Variants in MACROD2 observed in about 807,000 individuals in gnomAD.
The protein encoded by MACROD2 is mono-ADP ribosylhydrolase 2, also known as ADP-ribose glycohydrolase MACROD2.
MACROD2 carries 36 observed loss-of-function variants against 70.4 expected under a neutral mutation model. That is an observed-to-expected ratio of 0.51 (90% CI 0.39 to 0.68). MACROD2 has a LOEUF of 0.68. MACROD2 is among the 30% of genes least tolerant of loss of function. The pLI, the probability that MACROD2 is intolerant of heterozygous loss-of-function variation, is 0.00. For missense variants in MACROD2, 496 were observed against 538.4 expected (o/e 0.92, Z 0.78); for synonymous variants, 172 against 178.8 (o/e 0.96, Z 0.30).
chr20:14,594,441 T>A (rs914918349), intron 4 of MACROD2, among the ~76,000 whole-genome samples: 2 of 152,210 alleles, frequency 1.3e-5, no homozygotes, highest in African/African-American at 4.8e-5. Context: ...ACGTTAAAAT[T>A]GTATTAATTT....
intron 5 of MACROD2, among the ~76,000 whole-genome samples, chr20:15,013,640 A>G (rs2075099795): frequency 6.6e-6 from 1 of 152,128 alleles, no homozygotes; most frequent in African/African-American, 2.4e-5. Context: ...ACCCATCTTC[A>G]GCGTTCCTTC....
intron 8 of MACROD2, among the ~76,000 whole-genome samples, chr20:15,641,917 C>G (rs1447263696): frequency 6.6e-6 from 1 of 152,104 alleles, no homozygotes; most frequent in East Asian, 1.9e-4. Flanking sequence ...AACCATGAAA[C>G]AGTAAAACTC....
At chr20:15,379,708 A>G (rs1600321733) in intron 6 of MACROD2, among the ~76,000 whole-genome samples, 1 of 152,020 alleles carries the variant, frequency 6.6e-6, no homozygotes, top group South Asian at 2.1e-4. Context: ...GTTTGTCATT[A>G]TTTTTTATTG....
chr20:14,359,373 G>A (rs2122715018), intron 3 of MACROD2, among the ~76,000 whole-genome samples: 1 of 152,208 alleles, frequency 6.6e-6, no homozygotes, highest in East Asian at 1.9e-4. Flanking sequence ...TGGTGGGAAT[G>A]TAAACTAGTA....
Position 15,561,278 on chromosome 20 carries a change from C to T in MACROD2, c.645+61431C>T, listed in dbSNP as rs543084895. The stretch of plus-strand genomic sequence containing the variant: ...GCATGAATTATGCAATTAGCTTTCT[C>T]GCTTTCCAGCAGCATATGCAAAGTG... On this transcript the variant is annotated intron_variant, in intron 8 of 17. Transcript: ENST00000684519. Among the ~76,000 whole-genome samples the T allele has an allele frequency of 4.6e-5, 7 of 152,322 alleles. No homozygotes were observed. The East Asian group carries it at 7.7e-4, about 17-fold the overall frequency.
At chr20:15,398,968 C>T (rs773579061) in intron 6 of MACROD2, among the ~76,000 whole-genome samples, 5 of 152,134 alleles carry the variant, frequency 3.3e-5, no homozygotes, top group Non-Finnish European at 7.3e-5. Flanking sequence ...CATGTGTGAG[C>T]CACTGTGTCC....
Position 14,902,635 on chromosome 20 carries a change from AAAG to A in MACROD2, c.418+217681_418+217683del, listed in dbSNP as rs2122555719. Among the ~76,000 whole-genome samples the A allele has an allele frequency of 1.3e-5, 2 of 152,280 alleles. 1 individual carries two copies. The highest frequency in any genetic ancestry group is 3.9e-4 in the East Asian group (2 of 5,170). ...GTTGCCAAAGAGCCAATGTCCAAGAAAAGAAGAGAGGCAGGGTGGTCAGGACGT... is the reference window on the plus strand; with the variant it reads ...GTTGCCAAAGAGCCAATGTCCAAGAAAAGAGAGGCAGGGTGGTCAGGACGT... On this transcript the variant is annotated intron_variant, in intron 5 of 17. Transcript: ENST00000684519.
intron 5 of MACROD2, among the ~76,000 whole-genome samples, chr20:14,814,507 G>A (rs1242473713): frequency 6.6e-6 from 1 of 151,970 alleles, no homozygotes; most frequent in East Asian, 1.9e-4. Flanking sequence ...ATAGTAGATC[G>A]TTTTTTGGAA....
chr20:14,987,080 G>T (rs1273468174), intron 5 of MACROD2, among the ~76,000 whole-genome samples: 2 of 152,082 alleles, frequency 1.3e-5, no homozygotes, highest in Admixed American at 1.3e-4. Flanking sequence ...CTTTGGAATT[G>T]TCTTAGGGCC....
chr20:14,387,703 GC>G (rs1160893962), intron 3 of MACROD2, among the ~76,000 whole-genome samples: 3 of 152,234 alleles, frequency 2.0e-5, no homozygotes, highest in Non-Finnish European at 4.4e-5. Flanking sequence ...CCCTATGGCT[GC>G]CAGCTTGGAG....
intron 8 of MACROD2, among the ~76,000 whole-genome samples, chr20:15,595,383 A>T (rs1341846843): frequency 6.6e-6 from 1 of 152,236 alleles, no homozygotes; most frequent in Non-Finnish European, 1.5e-5. Context: ...GAAAGTAATT[A>T]GCAATGTATG....
At chr20:15,259,530 A>G (rs1344916335) in intron 6 of MACROD2, among the ~76,000 whole-genome samples, 3 of 151,990 alleles carry the variant, frequency 2.0e-5, no homozygotes, top group African/African-American at 7.2e-5. Flanking sequence ...TAAGTTAGAA[A>G]ATCAGATCAT....
Position 15,801,200 on chromosome 20 carries a change from A to AAAAAAG in MACROD2, c.646-61541_646-61540insAGAAAA, listed in dbSNP as rs749268333. On this transcript the variant is annotated intron_variant, in intron 8 of 17. Coordinates refer to ENST00000684519, the MANE Select transcript of MACROD2 (RefSeq NM_001351661.2). ...GAATGATCAATTAAAAAAAAAAAAAAAAAACGAAAAACAAAACAAACAAAC... is the reference window on the plus strand; with the variant it reads ...GAATGATCAATTAAAAAAAAAAAAAAAAAAAGAAAACGAAAAACAAAACAAACAAAC... 5.2e-4 allele frequency among the ~76,000 whole-genome samples: 72 copies of AAAAAAG among 137,880 alleles called. 1 individual carries two copies. The highest frequency in any genetic ancestry group is 5.9e-4 in the African/African-American group (21 of 35,312). 90.5% of individuals were successfully genotyped at this position (137,880 alleles called of 152,430 possible).
At chr20:15,288,678 G>A (rs1283338883) in intron 6 of MACROD2, among the ~76,000 whole-genome samples, 2 of 151,978 alleles carry the variant, frequency 1.3e-5, no homozygotes, top group Admixed American at 1.3e-4. Flanking sequence ...TCTGGTCTTC[G>A]GACTCTGGAA....
intron 8 of MACROD2, among the ~76,000 whole-genome samples, chr20:15,828,034 A>C (rs73614467): frequency 0.019 from 2,881 of 152,310 alleles, 87 homozygotes; most frequent in South Asian, 0.1. Context: ...TCAGTTAGAC[A>C]GGAGGAATAA....
rs530122214 is a variant in MACROD2, at chr20:15,895,695, C to G, written c.775+9884C>G. Among the ~76,000 whole-genome samples the G allele has an allele frequency of 1.2e-4, 19 of 152,278 alleles. No individual in the cohort carries two copies. In the South Asian group the frequency reaches 3.5e-3, roughly 28 times the overall value. On this transcript the variant is annotated intron_variant, in intron 10 of 17. Transcript: ENST00000684519. ...GCCGCTTATAAAAAACATGCAATGGCAACCTTTACTTACCCCAAGACAAAG... is the reference window on the plus strand; with the variant it reads ...GCCGCTTATAAAAAACATGCAATGGGAACCTTTACTTACCCCAAGACAAAG...
intron 3 of MACROD2, among the ~76,000 whole-genome samples, chr20:14,214,487 A>G (rs144938193): frequency 6.6e-6 from 1 of 152,248 alleles, no homozygotes; most frequent in African/African-American, 2.4e-5. Context: ...TCTCTGCCTA[A>G]ACTCTTTAAA....
At chr20:14,626,986 A>G (rs1161317383) in intron 4 of MACROD2, 3 of 152,196 alleles carry the variant, frequency 2.0e-5, no homozygotes, top group Non-Finnish European at 4.4e-5. Flanking sequence ...GACAATGAAT[A>G]TCAGCTGTGA....
chr20:15,145,736 A>T (rs461300), intron 5 of MACROD2, among the ~76,000 whole-genome samples: 89,531 of 151,868 alleles, frequency 0.59, 26,521 homozygotes, highest in East Asian at 0.65. Flanking sequence ...TTAACTGATA[A>T]GAAATGATTT....
Sources: gnomAD v4.1 joint callset for allele counts (sites outside exome capture counted in the v4.1 genomes callset) on GRCh38, gnomAD v4.1.1 for gene constraint, MANE v1.5 for transcripts, NCBI Gene and HGNC (gene_info 2026-07-23, HGNC 2026-07-21) for gene names.